GRIP1: variants seen among roughly 807,000 people sequenced by gnomAD.
The protein encoded by GRIP1 is glutamate receptor interacting protein 1.
A neutral mutation model predicts 129.9 loss-of-function variants in GRIP1; 45 were observed. The observed-to-expected ratio is 0.35, with a 90% CI of 0.27 to 0.44. The LOEUF (loss-of-function observed/expected upper bound fraction) is 0.44, where lower values mean the gene tolerates loss of function less well. Ranked by LOEUF, GRIP1 falls within the 20% of genes least tolerant of loss-of-function variation. The probability of loss-of-function intolerance (pLI) is 1.00; values close to 1 mark genes in which losing one functional copy is unlikely to be tolerated. For synonymous variants in GRIP1, 530 were observed against 520.8 expected (o/e 1.02, Z -0.24); for missense variants, 1,196 against 1,396.8 (o/e 0.86, Z 2.29).
intron 4 of GRIP1, among the ~76,000 whole-genome samples, chr12:66,532,041 G>T (rs990545784): frequency 2.0e-5 from 3 of 152,126 alleles, no homozygotes; most frequent in Admixed American, 1.3e-4. Context: ...GCTAAATCTT[G>T]CTGACTATAA....
intron 1 of GRIP1, among the ~76,000 whole-genome samples, chr12:66,757,409 G>A (rs1252458430): frequency 6.6e-6 from 1 of 152,086 alleles, no homozygotes; most frequent in East Asian, 1.9e-4. Context: ...CAAATAATAA[G>A]ATCTCATTTT....
chr12:66,455,556 C>G lies in GRIP1; in HGVS notation c.1207G>C (p.Val403Leu). The part of the protein sequence containing the change: ...APPPNSPPAL[V>L]SSSFSPTSMS... ...GAGGTAGGAGAGAAGGATGAAGACA[C>G]CAAAGCTGCTGCAAGAGAGTGAAGA... is the stretch of plus-strand genomic sequence containing the variant. Residue 403 changes from valine to leucine, a missense_variant, in exon 11 of 25, where the codon GTG (valine) becomes CTG (leucine). By Grantham distance (32) the Val-to-Leu change is conservative (BLOSUM62 1). Transcript: ENST00000359742. 2.5e-6 allele frequency: 4 copies of G among 1,613,964 alleles called. No homozygotes were observed. Among genetic ancestry groups the G allele is most frequent in the Non-Finnish European group, 3.4e-6 (4 of 1,179,940 alleles).
chr12:66,567,091 A>AT lies in GRIP1; in HGVS notation c.137-25142dup, dbSNP rs546007186. On this transcript the variant is annotated intron_variant, in intron 2 of 24. Transcript: ENST00000359742. ...AAAAAACCAGCTCCTGGATTCATTGATTTTTTGAAGGTTTTTTTGTGTCTC... is the reference window on the plus strand; with the variant it reads ...AAAAAACCAGCTCCTGGATTCATTGATTTTTTTGAAGGTTTTTTTGTGTCTC... 3.2e-4 allele frequency among the ~76,000 whole-genome samples: 49 copies of AT among 152,120 alleles called. 1 individual carries two copies. In the South Asian group the frequency reaches 9.6e-3, roughly 30 times the overall value.
intron 1 of GRIP1, among the ~76,000 whole-genome samples, chr12:66,667,881 C>T (rs1340245124): frequency 6.6e-6 from 1 of 152,198 alleles, no homozygotes; most frequent in East Asian, 1.9e-4. Flanking sequence ...TTTCCAAAAA[C>T]CACACAAGTT....
chr12:66,815,215 G>A (rs1223905688), intron 1 of GRIP1, among the ~76,000 whole-genome samples: 3 of 152,150 alleles, frequency 2.0e-5, no homozygotes, highest in African/African-American at 2.4e-5. Flanking sequence ...ATCTCATGAC[G>A]AGGTAGCACA....
At chr12:66,859,755 T>G (rs1288882081) in intron 1 of GRIP1, among the ~76,000 whole-genome samples, 1 of 152,052 alleles carries the variant, frequency 6.6e-6, no homozygotes, top group African/African-American at 2.4e-5. Flanking sequence ...AAAATAGTGC[T>G]CTGTGGGTGC....
chr12:66,939,569 T>G (rs1427303900), intron 1 of GRIP1, among the ~76,000 whole-genome samples: 4 of 152,120 alleles, frequency 2.6e-5, no homozygotes, highest in African/African-American at 9.7e-5. Context: ...ATACACAATT[T>G]ATATCCTGTA....
chr12:66,705,458 A>G (rs2035496052), intron 1 of GRIP1, among the ~76,000 whole-genome samples: 1 of 152,192 alleles, frequency 6.6e-6, no homozygotes, highest in South Asian at 2.1e-4. Context: ...AAGAATCAAT[A>G]TCGTGAAAAT....
At chr12:66,933,022 T>C (rs893605177) in intron 1 of GRIP1, among the ~76,000 whole-genome samples, 9 of 152,220 alleles carry the variant, frequency 5.9e-5, no homozygotes, top group Non-Finnish European at 1.2e-4. Flanking sequence ...ATTGTTCCTA[T>C]AGGTAACGAG....
At chr12:66,574,617 T>G (rs528968168) in intron 2 of GRIP1, among the ~76,000 whole-genome samples, 1 of 152,338 alleles carries the variant, frequency 6.6e-6, no homozygotes, top group South Asian at 2.1e-4. Flanking sequence ...ATTCCTCTAT[T>G]GATAGATATT....
upstream of GRIP1, among the ~76,000 whole-genome samples, chr12:66,805,585 A>G (rs1408735603): frequency 1.3e-5 from 2 of 152,222 alleles, no homozygotes; most frequent in African/African-American, 2.4e-5. Context: ...AGATAGTTCA[A>G]TATCTGTGTA....
intron 1 of GRIP1, among the ~76,000 whole-genome samples, chr12:67,044,129 G>C (rs2043219312): frequency 6.6e-6 from 1 of 152,130 alleles, no homozygotes; most frequent in Admixed American, 6.5e-5. Context: ...TTAGAGAAAA[G>C]CTAATAATGC....
chr12:66,543,706 T>C (rs1481832975), intron 2 of GRIP1, among the ~76,000 whole-genome samples: 1 of 152,154 alleles, frequency 6.6e-6, no homozygotes, highest in African/African-American at 2.4e-5. Context: ...CAAAATGACA[T>C]AGATGATGAC....
At chr12:66,588,129 AG>A (rs1162266178) in intron 2 of GRIP1, among the ~76,000 whole-genome samples, 1 of 152,062 alleles carries the variant, frequency 6.6e-6, no homozygotes, top group Admixed American at 6.6e-5. Flanking sequence ...GTGGTTTTAA[AG>A]GGGAAACATA....
At chr12:66,715,471 T>TGTGTGTGTGTGTGTGTGTGTGAGAGAGA (rs761155485) in intron 1 of GRIP1, among the ~76,000 whole-genome samples, 47 of 110,126 alleles carry the variant, frequency 4.3e-4, no homozygotes, top group Non-Finnish European at 5.7e-4. Context: ...TGTGTGTGTG[T>TGTGTGTGTGTGTGTGTGTGTGAGAGAGA]GAGAGAGAGA....
upstream of GRIP1, among the ~76,000 whole-genome samples, chr12:66,683,442 G>A (rs1835519455): frequency 6.6e-6 from 1 of 152,148 alleles, no homozygotes; most frequent in South Asian, 2.1e-4. Context: ...CAGGTTCTAA[G>A]GGTGTGAAAA....
intron 22 of GRIP1, among the ~76,000 whole-genome samples, chr12:66,376,135 G>T (rs182211515): frequency 6.6e-6 from 1 of 152,344 alleles, no homozygotes; most frequent in Non-Finnish European, 1.5e-5. Context: ...GTGCTCTGAA[G>T]CTGCAATTCA....
chr12:66,770,548 G>A (rs1372728110), intron 1 of GRIP1, among the ~76,000 whole-genome samples: 2 of 152,046 alleles, frequency 1.3e-5, no homozygotes, highest in Non-Finnish European at 2.9e-5. Context: ...GACGGTCACC[G>A]CTGGGTCAGC....
intron 1 of GRIP1, among the ~76,000 whole-genome samples, chr12:66,852,127 G>C (rs529029869): frequency 3.0e-4 from 45 of 152,122 alleles, no homozygotes; most frequent in African/African-American, 1.1e-3. Context: ...AGTTAAGGCT[G>C]TAAAGAAAGA....
Sources: gnomAD v4.1 joint callset for allele counts (sites outside exome capture counted in the v4.1 genomes callset) on GRCh38, gnomAD v4.1.1 for gene constraint, MANE v1.5 for transcripts, NCBI Gene and HGNC (gene_info 2026-07-23, HGNC 2026-07-21) for gene names.